SLC35F2: variants seen among roughly 807,000 people sequenced by gnomAD.
SLC35F2 encodes solute carrier family 35 member F2, also known as queuine/queuosine transporter SLC35F2.
In SLC35F2, 25 loss-of-function variants were observed where a neutral mutation model predicts 38.1. The ratio of observed to expected loss-of-function variants is 0.66; its 90% CI spans 0.48 to 0.92. SLC35F2 has a LOEUF of 0.92. Among genes scored for constraint, SLC35F2 ranks in the 40% least tolerant of loss-of-function variants. The probability of loss-of-function intolerance (pLI) is 0.00; values close to 1 mark genes in which losing one functional copy is unlikely to be tolerated. For synonymous variants in SLC35F2, 173 were observed against 181.7 expected, an observed-to-expected ratio of 0.95 and a Z score of 0.38; for missense variants, 409 against 452.9, an observed-to-expected ratio of 0.90 and a Z score of 0.88.
In SLC35F2 at chr11:107,791,278, G is replaced by A. The variant is rs553099406; in HGVS notation, c.*1337C>T. On this transcript the variant is annotated 3_prime_UTR_variant, in exon 8 of 8. Transcript: ENST00000525815. ...ATTAATTTTATATTTTCATTTTGAT[G>A]AGAATCTTTTCTTGTTTTTACCAGT... is the stretch of plus-strand genomic sequence containing the variant. 6.6e-6 allele frequency: 1 copy of A among 152,376 alleles called. No homozygotes were observed. The highest frequency in any genetic ancestry group is 1.9e-4 in the East Asian group (1 of 5,186). 9.4% of individuals were successfully genotyped at this position (152,376 alleles called of 1,614,324 possible).
intron 7 of SLC35F2, among the ~76,000 whole-genome samples, chr11:107,794,824 G>A (rs1040360559): frequency 6.6e-6 from 1 of 152,126 alleles, no homozygotes; most frequent in South Asian, 2.1e-4. Context: ...CCACAAAATA[G>A]CTCTTAGATC....
At chr11:107,814,612 C>T (rs1231518776) in intron 2 of SLC35F2, among the ~76,000 whole-genome samples, 1 of 152,042 alleles carries the variant, frequency 6.6e-6, no homozygotes, top group African/African-American at 2.4e-5. Context: ...TGTCAAAACC[C>T]ATAGAATGCA....
chr11:107,844,852 T>G (rs971362340), intron 1 of SLC35F2, among the ~76,000 whole-genome samples: 2 of 150,660 alleles, frequency 1.3e-5, no homozygotes, highest in African/African-American at 2.4e-5. Context: ...GGCGGGCACC[T>G]GTAGTCCCAG....
At chr11:107,850,815 A>G (rs1465107488) in intron 1 of SLC35F2, among the ~76,000 whole-genome samples, 5 of 136,968 alleles carry the variant, frequency 3.7e-5, no homozygotes, top group Admixed American at 7.2e-5. Flanking sequence ...CTCCGTCTCC[A>G]AAAAAAAAAA....
At chr11:107,854,196 C>T (rs1860239312) in intron 1 of SLC35F2, among the ~76,000 whole-genome samples, 1 of 151,996 alleles carries the variant, frequency 6.6e-6, no homozygotes, top group Admixed American at 6.6e-5. Context: ...TTTTGGAAAG[C>T]CAAGGCAGGT....
intron 1 of SLC35F2, among the ~76,000 whole-genome samples, chr11:107,850,568 G>T (rs1265466676): frequency 3.9e-5 from 6 of 151,964 alleles, no homozygotes; most frequent in East Asian, 1.9e-4. Flanking sequence ...ACTTCTATAA[G>T]CCCAGCACAT....
At chr11:107,836,777 T>C (rs1337110525) in intron 1 of SLC35F2, among the ~76,000 whole-genome samples, 1 of 152,216 alleles carries the variant, frequency 6.6e-6, no homozygotes, top group Non-Finnish European at 1.5e-5. Context: ...AGATATTAAA[T>C]TGGTGTTGTT....
At chr11:107,828,872 C>T (rs1364631525) in intron 1 of SLC35F2, among the ~76,000 whole-genome samples, 3 of 152,058 alleles carry the variant, frequency 2.0e-5, no homozygotes, top group East Asian at 1.9e-4. Context: ...TTTGGGAGGC[C>T]GAGGTGGGCA....
At chr11:107,803,696 A>G (rs1021299360) in intron 6 of SLC35F2, among the ~76,000 whole-genome samples, 2 of 152,012 alleles carry the variant, frequency 1.3e-5, no homozygotes, top group African/African-American at 4.8e-5. Context: ...CCTTTTTAGG[A>G]CAGTGCTTGC....
chr11:107,814,828 T>G (rs978073541), intron 2 of SLC35F2, among the ~76,000 whole-genome samples: 3 of 152,164 alleles, frequency 2.0e-5, no homozygotes, highest in African/African-American at 7.2e-5. Context: ...CTGGGCACAG[T>G]GGCTCACGCC....
chr11:107,799,079 C>T (rs1387703429), intron 7 of SLC35F2, among the ~76,000 whole-genome samples: 1 of 152,076 alleles, frequency 6.6e-6, no homozygotes, highest in Non-Finnish European at 1.5e-5. Flanking sequence ...CTGTCGCAAA[C>T]AAAACAAACT....
At chr11:107,838,261 A>T (rs947979259) in intron 1 of SLC35F2, among the ~76,000 whole-genome samples, 7 of 152,178 alleles carry the variant, frequency 4.6e-5, no homozygotes, top group Non-Finnish European at 1.0e-4. Flanking sequence ...AACAAAAGTG[A>T]AGTGGCTTAA....
intron 1 of SLC35F2, among the ~76,000 whole-genome samples, chr11:107,820,526 G>T (rs924581781): frequency 6.6e-6 from 1 of 152,082 alleles, no homozygotes; most frequent in Non-Finnish European, 1.5e-5. Context: ...ACAGTCTTGG[G>T]ATAACAGGTG....
intron 1 of SLC35F2, among the ~76,000 whole-genome samples, chr11:107,833,536 AAG>A (rs1859884370): frequency 5.3e-5 from 8 of 151,662 alleles, no homozygotes; most frequent in Admixed American, 2.6e-4. Context: ...AAAAAAAAAA[AAG>A]GAGAGAGGTG....
chr11:107,832,840 G>A (rs1316342620), intron 1 of SLC35F2, among the ~76,000 whole-genome samples: 1 of 152,120 alleles, frequency 6.6e-6, no homozygotes, highest in Non-Finnish European at 1.5e-5. Flanking sequence ...ATTCTGTCAG[G>A]AAAGTACAGG....
Position 107,815,962 on chromosome 11 carries a change from A to C in SLC35F2, c.114T>G (p.Asn38Lys). The part of the protein sequence containing the change: ...RRIKGKLFTW[N>K]ILKTIALGQM... Reference sequence around the variant, plus strand: ...GACCCAGGGCAATTGTTTTCAAAATATTCCTAGAAAATAAGGGAAGAAATC... The same window carrying C: ...GACCCAGGGCAATTGTTTTCAAAATCTTCCTAGAAAATAAGGGAAGAAATC... Residue 38 changes from asparagine (N) to lysine (K), a missense_variant, in exon 2 of 8, where the codon AAT (asparagine) becomes AAG (lysine). Physicochemically the swap from Asn to Lys is moderately conservative, Grantham distance 94. Transcript: ENST00000525815. 6.2e-7 allele frequency: 1 copy of C among 1,610,804 alleles called. No homozygotes were observed. The highest frequency in any genetic ancestry group is 8.5e-7 in the Non-Finnish European group (1 of 1,178,976).
chr11:107,816,015 T>TAC (rs370565333), intron 1 of SLC35F2, 50 bp from the exon 2 acceptor site: 100,515 of 1,221,912 alleles, frequency 0.082, 1,100 homozygotes, highest in East Asian at 0.12. Flanking sequence ...AGTTATACCT[T>TAC]ACACACACAC....
At chr11:107,793,744 G>C (rs995099867) in intron 7 of SLC35F2, among the ~76,000 whole-genome samples, 1 of 152,154 alleles carries the variant, frequency 6.6e-6, no homozygotes, top group Non-Finnish European at 1.5e-5. Flanking sequence ...GTAAGGTCCG[G>C]TGAGGACAAT....
intron 1 of SLC35F2, chr11:107,816,305 A>T: frequency 1.0e-6 from 1 of 983,274 alleles, no homozygotes. Context: ...TTTTTGAGAC[A>T]GGGTCTTGTT....
Sources: gnomAD v4.1 joint callset for allele counts (sites outside exome capture counted in the v4.1 genomes callset) on GRCh38, gnomAD v4.1.1 for gene constraint, MANE v1.5 for transcripts, NCBI Gene and HGNC (gene_info 2026-07-23, HGNC 2026-07-21) for gene names.